Variants in SGK1 observed in about 807,000 individuals in gnomAD.
The protein encoded by SGK1 is serum/glucocorticoid regulated kinase 1, also known as serine/threonine-protein kinase Sgk1.
Under a neutral mutation model 64.2 loss-of-function variants are expected in SGK1, and 26 were observed. The ratio of observed to expected loss-of-function variants is 0.40; its 90% confidence interval spans 0.30 to 0.56. The LOEUF (loss-of-function observed/expected upper bound fraction) is 0.56. SGK1 is among the 20% of genes least tolerant of loss of function. The probability of loss-of-function intolerance (pLI) is 0.38; values close to 1 mark genes in which losing one functional copy is unlikely to be tolerated. For missense variants in SGK1, 519 were observed against 645.6 expected, an observed-to-expected ratio of 0.80 and a Z score of 2.12; for synonymous variants, 265 against 239.7, an observed-to-expected ratio of 1.11 and a Z score of -0.98.
chr6:134,282,032 G>GTATA (rs1478534854), intron 1 of SGK1, among the ~76,000 whole-genome samples: 4 of 152,166 alleles, frequency 2.6e-5, no homozygotes, highest in Non-Finnish European at 4.4e-5. Flanking sequence ...TATAGGAAAT[G>GTATA]TATAATCCAT....
chr6:134,232,413 GAGAAAGAAAGAAAGAAAGAAAGAA>G lies in SGK1; in HGVS notation c.286-25006_286-24983del, dbSNP rs775588688. Among the ~76,000 whole-genome samples the G allele has an allele frequency of 2.7e-4, 13 of 47,778 alleles. 1 individual carries two copies. Among genetic ancestry groups the G allele is most frequent in the African/African-American group, 5.5e-4 (7 of 12,628 alleles). 31.3% of individuals were successfully genotyped at this position (47,778 alleles called of 152,430 possible). A position where few individuals can be genotyped will look rare whatever the true frequency, so the allele number is the denominator to read the frequency against. On this transcript the variant is annotated intron_variant, in intron 2 of 13. Coordinates refer to ENST00000367858, the MANE Select transcript of SGK1 (RefSeq NM_001143676.3). ...AAAAGAAAGAAGAAAAAGAAAGAAA[GAGAAAGAAAGAAAGAAAGAAAGAA>G]AGAAAGAAAGAAAGAAAGAAAGAAA...
chr6:134,277,930 T>C (rs1361161551), intron 1 of SGK1, among the ~76,000 whole-genome samples: 2 of 152,214 alleles, frequency 1.3e-5, no homozygotes, highest in Non-Finnish European at 2.9e-5. Context: ...AAGGGTTTTC[T>C]ACAGAAATGA....
intron 1 of SGK1, among the ~76,000 whole-genome samples, chr6:134,304,090 T>G (rs989444992): frequency 6.6e-6 from 1 of 152,064 alleles, no homozygotes; most frequent in African/African-American, 2.4e-5. Flanking sequence ...CCAAGCTATG[T>G]GGAGAGAGAA....
intron 1 of SGK1, among the ~76,000 whole-genome samples, chr6:134,281,175 C>A (rs1777088797): frequency 6.6e-6 from 1 of 152,194 alleles, no homozygotes; most frequent in Admixed American, 6.5e-5. Context: ...AGTCCCCATT[C>A]CAACTTTCTT....
chr6:134,172,978 G>A (rs537555886), intron 8 of SGK1, 45 bp downstream of exon 8: 64 of 1,574,196 alleles, frequency 4.1e-5, no homozygotes, highest in African/African-American at 2.6e-4. Context: ...AACAAAGCAG[G>A]CTGTGCAGAG....
At chr6:134,192,245 G>A (rs142183913) in intron 3 of SGK1, among the ~76,000 whole-genome samples, 5,187 of 151,962 alleles carry the variant, frequency 0.034, 287 homozygotes, top group African/African-American at 0.12. Context: ...GATTACAGGC[G>A]TGGGTCACCA....
At chr6:134,266,817 A>C (rs1204244903) in intron 1 of SGK1, among the ~76,000 whole-genome samples, 2 of 152,162 alleles carry the variant, frequency 1.3e-5, no homozygotes, top group East Asian at 3.8e-4. Context: ...GTTAGTACTA[A>C]ATGTGTTTTT....
intron 1 of SGK1, among the ~76,000 whole-genome samples, chr6:134,271,616 T>C (rs1208603073): frequency 1.4e-5 from 2 of 147,310 alleles, no homozygotes; most frequent in Non-Finnish European, 3.0e-5. Context: ...GTTTTTTTTG[T>C]TTGTTTATTT....
At chr6:134,176,273 T>A (rs1287159722) in intron 3 of SGK1, among the ~76,000 whole-genome samples, 1 of 152,240 alleles carries the variant, frequency 6.6e-6, no homozygotes, top group African/African-American at 2.4e-5. Context: ...AACTCAAGGC[T>A]GCCCCAGGGC....
chr6:134,308,738 G>A (rs1013721102), intron 1 of SGK1, among the ~76,000 whole-genome samples: 4 of 152,078 alleles, frequency 2.6e-5, no homozygotes, highest in African/African-American at 9.7e-5. Flanking sequence ...TGTATTTTTA[G>A]TAGAGACAAG....
At chr6:134,305,257 G>C (rs1777516872) in intron 1 of SGK1, among the ~76,000 whole-genome samples, 2 of 151,052 alleles carry the variant, frequency 1.3e-5, no homozygotes, top group African/African-American at 4.9e-5. Flanking sequence ...TACTCTGGAG[G>C]CTGAGGCACA....
intron 3 of SGK1, chr6:134,175,668 C>A: frequency 6.7e-7 from 1 of 1,490,840 alleles, no homozygotes; most frequent in Non-Finnish European, 8.9e-7. Context: ...CCATGGGCAG[C>A]GGGCGGCGGG....
At chr6:134,233,611 C>T (rs527893884) in intron 2 of SGK1, among the ~76,000 whole-genome samples, 3 of 152,228 alleles carry the variant, frequency 2.0e-5, no homozygotes, top group East Asian at 1.9e-4. Flanking sequence ...TTAACGAACT[C>T]GAAATTGCAT....
chr6:134,266,910 TCTGGTAA>T (rs1391833944), intron 1 of SGK1, among the ~76,000 whole-genome samples: 1 of 152,204 alleles, frequency 6.6e-6, no homozygotes, highest in Non-Finnish European at 1.5e-5. Flanking sequence ...GGGCTTGAAG[TCTGGTAA>T]CTGTTCTTGC....
chr6:134,200,095 G>A (rs779558315), intron 3 of SGK1, among the ~76,000 whole-genome samples: 1 of 152,038 alleles, frequency 6.6e-6, no homozygotes, highest in Non-Finnish European at 1.5e-5. Context: ...CAGGACCAGC[G>A]ATTGAAAAAC....
At chr6:134,246,589 A>G (rs1776528170) in intron 2 of SGK1, among the ~76,000 whole-genome samples, 1 of 151,776 alleles carries the variant, frequency 6.6e-6, no homozygotes, top group African/African-American at 2.4e-5. Flanking sequence ...TTGTATTTGT[A>G]TTTGTATTTA....
At chr6:134,174,114 G>C (rs528633258) in intron 4 of SGK1, 34 bp from the exon 5 acceptor site, 1 of 1,528,452 alleles carries the variant, frequency 6.5e-7, no homozygotes, top group East Asian at 2.3e-5. Flanking sequence ...TTAGAATCCA[G>C]CTCGCCACTA....
At chr6:134,185,555 A>AGTGTGTGT (rs55653141) in intron 3 of SGK1, among the ~76,000 whole-genome samples, 10,501 of 145,308 alleles carry the variant, frequency 0.072, 421 homozygotes, top group African/African-American at 0.1. Context: ...TATCTCTATG[A>AGTGTGTGT]GTGTGTGTGT....
At chr6:134,308,349 A>G (rs1323894872) in intron 1 of SGK1, among the ~76,000 whole-genome samples, 1 of 152,220 alleles carries the variant, frequency 6.6e-6, no homozygotes, top group Non-Finnish European at 1.5e-5. Flanking sequence ...TTTTTGTCCT[A>G]CAGGGACTTG....
Sources: allele counts gnomAD v4.1 joint callset (sites outside exome capture counted in the v4.1 genomes callset), GRCh38; gene constraint gnomAD v4.1.1; transcripts MANE v1.5; gene names NCBI Gene and HGNC (gene_info 2026-07-23, HGNC 2026-07-21).